Variants in STAB1 observed in about 807,000 individuals in gnomAD.
STAB1 encodes stabilin 1.
STAB1 carries 250 observed loss-of-function variants against 332.4 expected under a neutral mutation model. The observed-to-expected ratio is 0.75, with a 90% CI of 0.68 to 0.84. The LOEUF (loss-of-function observed/expected upper bound fraction) is 0.84, where lower values mean the gene tolerates loss of function less well. Ranked by LOEUF, STAB1 falls within the 40% of genes least tolerant of loss-of-function variation. The probability of loss-of-function intolerance (pLI) is 0.00; values close to 1 mark genes in which losing one functional copy is unlikely to be tolerated. For synonymous variants in STAB1, 1,475 were observed against 1,390.4 expected (o/e 1.06, Z -1.35); for missense variants, 3,249 against 3,489.7 (o/e 0.93, Z 1.74).
intron 25 of STAB1, 134 bp downstream of exon 25, chr3:52,510,641 A>G: frequency 8.4e-7 from 1 of 1,193,424 alleles, no homozygotes; most frequent in South Asian, 1.6e-5. Flanking sequence ...CAGTGCTGAC[A>G]TGCTGAGTAG....
At position 52,512,409 on chromosome 3, in the gene STAB1, C is replaced by T. The variant is rs1319790819; in HGVS notation, c.2952C>T (p.Gly984=). Residue 984 remains glycine, a synonymous_variant, in exon 27 of 69, where the codon GGC becomes GGT. Transcript: ENST00000321725. ...GCCCCCCTGGCTTTGGGGGTGATGG[C>T]TTCAGCTGTTATGGAGACATCTTCC... ...CTCPPGFGGD[G]FSCYGDIFRE... 5 of 1,610,362 alleles carry T rather than the reference C, an allele frequency of 3.1e-6. No individual in the cohort carries two copies. The highest frequency in any genetic ancestry group is 1.7e-5 in the Admixed American group (1 of 58,784).
rs1256861339 is a variant in STAB1 at position 52,505,400 on chromosome 3, T to A, written c.1581+19T>A. 12 of 1,610,044 alleles carry A rather than the reference T, an allele frequency of 7.5e-6. No individual in the cohort carries two copies. The highest frequency in any genetic ancestry group is 2.2e-5 in the East Asian group (1 of 44,786). ...CCTGGAGGTAAGCTCGGGGGAGGGG[T>A]CCTAGCCCATGTGGGCTTCTGGGCT... On this transcript the variant is annotated intron_variant, in intron 14 of 68. Coordinates refer to ENST00000321725, the MANE Select transcript of STAB1 (RefSeq NM_015136.3).
rs1185863278 is a variant in STAB1 at position 52,523,431 on chromosome 3, T to C, written c.7145T>C (p.Leu2382Pro). ...VNEGFVDNMT[L>P]SGPDLELHAS... is the part of the protein sequence containing the mutation. Reference sequence around the variant, plus strand: ...CAGGCCTTGCTCTGCTCACAGACGCTGAGTGGCCCAGACTTGGAGCTGCAT... The same window carrying C: ...CAGGCCTTGCTCTGCTCACAGACGCCGAGTGGCCCAGACTTGGAGCTGCAT... Residue 2382 changes from leucine to proline, a missense_variant, in exon 65 of 69, where the codon CTG (leucine) becomes CCG (proline). Leu to Pro is a moderately conservative substitution (Grantham distance 98, BLOSUM62 -3). Transcript: ENST00000321725. The C allele has an allele frequency of 3.7e-6, 6 of 1,608,822 alleles. No individual in the cohort carries two copies. Among genetic ancestry groups the C allele is most frequent in the Non-Finnish European group, 5.1e-6 (6 of 1,177,256 alleles).
intron 37 of STAB1, 59 bp from the exon 38 acceptor site, chr3:52,515,984 C>T (rs1164248861): frequency 1.3e-6 from 2 of 1,502,402 alleles, no homozygotes; most frequent in African/African-American, 1.4e-5. Context: ...CCCCGTTCCC[C>T]TTCCCCCTGA....
rs766338918 is a variant in STAB1 at position 52,501,991 on chromosome 3, T to C, written c.332-15T>C. 1.1e-5 allele frequency: 18 copies of C among 1,611,482 alleles called. No individual in the cohort carries two copies. The highest frequency in any genetic ancestry group is 1.5e-5 in the Non-Finnish European group (18 of 1,179,910). ...GGGTTCTGGGCACAGAGCTGAGTAC[T>C]GTGGGGGTCCACAGAATGCCCTGGG... On this transcript the variant is annotated splice_polypyrimidine_tract_variant and intron_variant, in intron 3 of 68. Coordinates refer to ENST00000321725, the MANE Select transcript of STAB1 (RefSeq NM_015136.3).
intron 44 of STAB1, 72 bp from the exon 45 acceptor site, chr3:52,517,809 C>T: frequency 6.2e-7 from 1 of 1,604,050 alleles, no homozygotes; most frequent in African/African-American, 1.3e-5. Flanking sequence ...TTCATGGCCT[C>T]TTTCACAGGG....
At chr3:52,517,295 C>T (rs1302288139) in intron 42 of STAB1, 25 bp from the exon 43 acceptor site, 2 of 1,540,178 alleles carry the variant, frequency 1.3e-6, no homozygotes, top group Admixed American at 4.2e-5. Flanking sequence ...AAGGGCCACC[C>T]CCATCCCAGT....
intron 1 of STAB1, among the ~76,000 whole-genome samples, chr3:52,500,694 T>G (rs1367379451): frequency 6.6e-6 from 1 of 152,358 alleles, no homozygotes; most frequent in Non-Finnish European, 1.5e-5. Flanking sequence ...TTATTGTTTC[T>G]TTATCTTTAA....
intron 8 of STAB1, 27 bp downstream of exon 8, chr3:52,503,567 G>A (rs1345599714): frequency 1.9e-6 from 3 of 1,606,628 alleles, no homozygotes; most frequent in Non-Finnish European, 2.6e-6. Flanking sequence ...GGCCGGAACT[G>A]TCCCCACAGT....
At chr3:52,511,593 GAAGA>G in intron 25 of STAB1, 53 bp from the exon 26 acceptor site, 1 of 1,499,288 alleles carries the variant, frequency 6.7e-7, no homozygotes, top group South Asian at 1.2e-5. Context: ...AGTAATGGAG[GAAGA>G]AAGGGTTGGA....
chr3:52,518,998 A>C, intron 48 of STAB1, 129 bp downstream of exon 48: 1 of 1,216,776 alleles, frequency 8.2e-7, no homozygotes, highest in Non-Finnish European at 1.1e-6. Flanking sequence ...CCTCCTGCTG[A>C]GTCCAGCCCG....
Position 52,505,349 on chromosome 3 carries a change from G to C in STAB1, c.1549G>C (p.Glu517Gln). 1 of 1,613,572 alleles carries C rather than the reference G, an allele frequency of 6.2e-7. No individual in the cohort carries two copies. Among genetic ancestry groups the C allele is most frequent in the Non-Finnish European group, 8.5e-7 (1 of 1,179,918 alleles). The change falls in exon 14 of 69, where the codon GAG (glutamate) becomes CAG (glutamine). Residue 517 changes from glutamate to glutamine, a missense_variant. Glu to Gln is a conservative substitution (Grantham distance 29). Transcript: ENST00000321725. Reference sequence around the variant, plus strand: ...TATCGGACAGATCCTCGCCTCTACCGAGGCCTTCAGCCGCTTTGAAACCAT... The same window carrying C: ...TATCGGACAGATCCTCGCCTCTACCCAGGCCTTCAGCCGCTTTGAAACCAT... ...RTIGQILAST[E>Q]AFSRFETILE...
rs1418243520 is a variant in STAB1 at position 52,523,252 on chromosome 3, C to T, written c.7051C>T (p.Arg2351Trp). The change falls in exon 64 of 69, where the codon CGG (arginine) becomes TGG (tryptophan). Residue 2351 changes from arginine (R) to tryptophan (W), a missense_variant. Transcript: ENST00000321725. The part of the protein sequence containing the change: ...MLLGYANATQ[R>W]GLDFLDFLDD... ...ATTGGGCTATGCCAATGCCACCCAG[C>T]GGGGTCTCGACTTCCTGGACTTCCT... 2.5e-6 allele frequency: 4 copies of T among 1,613,288 alleles called. No individual in the cohort carries two copies. Among genetic ancestry groups the T allele is most frequent in the Middle Eastern group, 1.6e-4 (1 of 6,062 alleles).
At chr3:52,520,162 C>T in intron 51 of STAB1, 42 bp downstream of exon 51, 1 of 1,613,082 alleles carries the variant, frequency 6.2e-7, no homozygotes, top group Non-Finnish European at 8.5e-7. Context: ...GCCTGCAGCT[C>T]AGCCTGCCTT....
Position 52,504,298 on chromosome 3 carries a change from G to C in STAB1, c.1150+143G>C, listed in dbSNP as rs1022071818. On this transcript the variant is annotated intron_variant, in intron 10 of 68. Transcript: ENST00000321725. ...AGGTGGCTGTGGGGGGTGCATGCAGGGGGTGGGAGCTGCTCTCCAACCTCA... is the reference window on the plus strand; with the variant it reads ...AGGTGGCTGTGGGGGGTGCATGCAGCGGGTGGGAGCTGCTCTCCAACCTCA... 7.6e-6 allele frequency: 11 copies of C among 1,441,428 alleles called. No individual in the cohort carries two copies. In the East Asian group the frequency reaches 9.9e-5, roughly 13 times the overall value. 89.3% of individuals were successfully genotyped at this position (1,441,428 alleles called of 1,614,324 possible).
intron 19 of STAB1, 74 bp from the exon 20 acceptor site, chr3:52,507,857 T>A: frequency 6.6e-7 from 1 of 1,518,262 alleles, no homozygotes. Flanking sequence ...AGAGGTCCCT[T>A]AACCAGGGCT....
chr3:52,512,981 G>A, intron 29 of STAB1, 23 bp downstream of exon 29: 1 of 1,602,594 alleles, frequency 6.2e-7, no homozygotes, highest in East Asian at 2.2e-5. Flanking sequence ...TTGCCAGGCT[G>A]TGGGAGGGGC....
In STAB1 at chr3:52,518,317, C is replaced by T. The variant is rs748012116; in HGVS notation, c.4767C>T (p.Leu1589=). The T allele has an allele frequency of 6.2e-7, 1 of 1,612,882 alleles. No homozygotes were observed. The highest frequency in any genetic ancestry group is 1.1e-5 in the South Asian group (1 of 91,064). The change falls in exon 46 of 69, where the codon CTC becomes CTT. Residue 1589 remains leucine, a synonymous_variant. Coordinates refer to ENST00000321725, the MANE Select transcript of STAB1 (RefSeq NM_015136.3). The part of the protein sequence containing the change: ...LTCRARVGLE[L]LRDKHASFFS... ...GCTGACCCTCGCCCCCCCAGGAGCTCCTGAGGGATAAGCATGCCTCATTCT... is the reference window on the plus strand; with the variant it reads ...GCTGACCCTCGCCCCCCCAGGAGCTTCTGAGGGATAAGCATGCCTCATTCT...
intron 1 of STAB1, among the ~76,000 whole-genome samples, chr3:52,499,898 CAAAAA>C (rs4045133): frequency 1.9e-4 from 7 of 37,042 alleles, no homozygotes; most frequent in Admixed American, 4.6e-4. Flanking sequence ...GACTCCATCT[CAAAAA>C]AAAAAAAAAA....
Sources: gnomAD v4.1 joint callset for allele counts (sites outside exome capture counted in the v4.1 genomes callset) on GRCh38, gnomAD v4.1.1 for gene constraint, MANE v1.5 for transcripts, NCBI Gene and HGNC (gene_info 2026-07-23, HGNC 2026-07-21) for gene names.